The following SMURF1 variants were observed in gnomAD, a reference collection of about 807,000 sequenced individuals.
The protein encoded by SMURF1 is SMAD specific E3 ubiquitin protein ligase 1.
SMURF1 carries 44 observed loss-of-function variants against 98.0 expected under a neutral mutation model. The ratio of observed to expected loss-of-function variants is 0.45; its 90% CI spans 0.35 to 0.58. The LOEUF (loss-of-function observed/expected upper bound fraction) is 0.58, where lower values mean the gene tolerates loss of function less well. Among genes scored for constraint, SMURF1 ranks in the 20% least tolerant of loss-of-function variants. The pLI is 0.00. For synonymous variants in SMURF1, 396 were observed against 374.9 expected (o/e 1.06, Z -0.65); for missense variants, 687 against 938.4 (o/e 0.73, Z 3.50).
intron 1 of SMURF1, among the ~76,000 whole-genome samples, chr7:99,085,353 CAA>C (rs992976220): frequency 1.7e-4 from 9 of 52,304 alleles, no homozygotes; most frequent in Non-Finnish European, 2.7e-4. Flanking sequence ...AACTCCATCT[CAA>C]AAAAAAAAAA....
At chr7:99,066,120 T>G (rs1326340768) in intron 1 of SMURF1, among the ~76,000 whole-genome samples, 2 of 152,068 alleles carry the variant, frequency 1.3e-5, no homozygotes, top group Non-Finnish European at 2.9e-5. Flanking sequence ...CGTTACCTTC[T>G]TAGCATCTCC....
rs1384719636 is a variant in SMURF1 at position 99,143,213 on chromosome 7, T to A, written c.55+513A>T. Among the ~76,000 whole-genome samples, 10 of 30,610 alleles carry A rather than the reference T, an allele frequency of 3.3e-4. No individual in the cohort carries two copies. The East Asian group carries it at 0.011, about 33-fold the overall frequency. 20.1% of individuals were successfully genotyped at this position (30,610 alleles called of 152,430 possible). On this transcript the variant is annotated intron_variant, in intron 1 of 17. Transcript: ENST00000361368. ...CGGGGTCAGGTTTGGGGAGGAAAGG[T>A]GGGGAAGAGAAAGGACCACAGGGAT...
In SMURF1 at chr7:99,116,425, ATC is replaced by A. The variant is rs151166990; in HGVS notation, c.55+27299_55+27300del. Among the ~76,000 whole-genome samples the A allele has an allele frequency of 6.9e-3, 1,054 of 152,338 alleles. 11 individuals carry two copies. The highest frequency in any genetic ancestry group is 0.023 in the African/African-American group (973 of 41,578). ...GGATTGGAATGGAAGAAGTAAAACT[ATC>A]TCTATTGAAAAATGACATAATCTTA... On this transcript the variant is annotated intron_variant, in intron 1 of 17. Coordinates refer to ENST00000361368, the MANE Select transcript of SMURF1 (RefSeq NM_181349.3).
intron 1 of SMURF1, among the ~76,000 whole-genome samples, chr7:99,089,076 C>G (rs948983200): frequency 6.6e-6 from 1 of 151,840 alleles, no homozygotes; most frequent in Non-Finnish European, 1.5e-5. Flanking sequence ...TGGTGGCGTG[C>G]GCCTGTAATC....
intron 1 of SMURF1, among the ~76,000 whole-genome samples, chr7:99,118,898 T>C (rs1157281537): frequency 6.6e-6 from 1 of 151,896 alleles, no homozygotes; most frequent in Non-Finnish European, 1.5e-5. Context: ...GGTCTTGCCC[T>C]GTACCCAGGC....
At chr7:99,033,360 G>T (rs1318678292) in intron 16 of SMURF1, among the ~76,000 whole-genome samples, 1 of 152,202 alleles carries the variant, frequency 6.6e-6, no homozygotes, top group Non-Finnish European at 1.5e-5. Context: ...GCTCAGGCTG[G>T]AGTGCAGTGG....
At position 99,040,481 on chromosome 7, in the gene SMURF1, C is replaced by G. The variant is rs935171569; in HGVS notation, c.1447G>C (p.Gly483Arg). Residue 483 changes from glycine (G) to arginine (R), a missense_variant, in exon 13 of 18, where the codon GGC becomes CGC. Physicochemically the swap from Gly to Arg is moderately radical, Grantham distance 125 (BLOSUM62 -2). Transcript: ENST00000361368. ...AVFHGHYING[G>R]FTVPFYKQLL... ...TGCTTGTAGAAGGGCACTGTGAAGCCCCCGTTGATGTAGTGTCCATGGAAC... is the reference window on the plus strand; with the variant it reads ...TGCTTGTAGAAGGGCACTGTGAAGCGCCCGTTGATGTAGTGTCCATGGAAC... 25 of 1,589,190 alleles carry G rather than the reference C, an allele frequency of 1.6e-5. No individual in the cohort carries two copies. Among genetic ancestry groups the G allele is most frequent in the Non-Finnish European group, 2.1e-5 (24 of 1,167,792 alleles).
intron 5 of SMURF1, among the ~76,000 whole-genome samples, chr7:99,056,019 A>C (rs568777515): frequency 3.3e-5 from 5 of 152,270 alleles, no homozygotes; most frequent in African/African-American, 7.2e-5. Flanking sequence ...GCAAAGTCTA[A>C]GTGAATCTAA....
At chr7:99,116,409 T>C (rs1427980193) in intron 1 of SMURF1, among the ~76,000 whole-genome samples, 3 of 152,144 alleles carry the variant, frequency 2.0e-5, no homozygotes, top group Non-Finnish European at 4.4e-5. Context: ...TGGATTGGAA[T>C]GGAAGAAGTA....
intron 1 of SMURF1, among the ~76,000 whole-genome samples, chr7:99,114,257 TAAC>T (rs888430795): frequency 6.6e-6 from 1 of 152,120 alleles, no homozygotes; most frequent in Non-Finnish European, 1.5e-5. Flanking sequence ...AATATTTACT[TAAC>T]ATAAACAGGA....
chr7:99,035,810 C>T (rs1039472736), intron 15 of SMURF1, 94 bp from the exon 16 acceptor site: 6 of 1,254,802 alleles, frequency 4.8e-6, no homozygotes, highest in African/African-American at 3.0e-5. Context: ...AGTGAAAAGT[C>T]GATTCCCAAG....
chr7:99,035,167 G>A (rs1362015940), intron 16 of SMURF1, among the ~76,000 whole-genome samples: 1 of 152,200 alleles, frequency 6.6e-6, no homozygotes, highest in Middle Eastern at 3.2e-3. Flanking sequence ...GACTGGGGGC[G>A]GTTCCCCCAT....
At chr7:99,104,956 C>T (rs563880560) in intron 1 of SMURF1, among the ~76,000 whole-genome samples, 1 of 152,300 alleles carries the variant, frequency 6.6e-6, no homozygotes, top group South Asian at 2.1e-4. Flanking sequence ...TCTAGGCGCT[C>T]CTAGCAGCCT....
intron 1 of SMURF1, among the ~76,000 whole-genome samples, chr7:99,066,326 G>A (rs906374828): frequency 1.3e-5 from 2 of 152,164 alleles, no homozygotes; most frequent in African/African-American, 4.8e-5. Flanking sequence ...GTTTTTGGAG[G>A]TGCTGGTGCT....
chr7:99,088,482 C>CT (rs796742565), intron 1 of SMURF1, among the ~76,000 whole-genome samples: 6,078 of 146,578 alleles, frequency 0.041, 431 homozygotes, highest in African/African-American at 0.14. Context: ...TTACCTACTT[C>CT]TTTTTTTTTT....
At chr7:99,054,357 A>C (rs1252162255) in intron 6 of SMURF1, among the ~76,000 whole-genome samples, 2 of 152,064 alleles carry the variant, frequency 1.3e-5, no homozygotes, top group South Asian at 4.1e-4. Flanking sequence ...CCCAGGCTGG[A>C]GTGCAGTGGC....
intron 3 of SMURF1, 138 bp from the exon 4 acceptor site, chr7:99,057,689 C>G (rs1795918644): frequency 1.9e-6 from 2 of 1,038,194 alleles, no homozygotes; most frequent in Non-Finnish European, 2.6e-6. Context: ...ACTGCAACTC[C>G]CAAGTTCAAG....
chr7:99,128,558 A>T (rs1423653634), intron 1 of SMURF1, among the ~76,000 whole-genome samples: 2 of 152,236 alleles, frequency 1.3e-5, no homozygotes, highest in Non-Finnish European at 2.9e-5. Context: ...TTTTTACTCT[A>T]CAAGTTGGTC....
At chr7:99,075,676 TG>T (rs1796438425) in intron 1 of SMURF1, among the ~76,000 whole-genome samples, 1 of 151,988 alleles carries the variant, frequency 6.6e-6, no homozygotes, top group Non-Finnish European at 1.5e-5. Context: ...CAGTGTCATG[TG>T]TAACAACAGC....
Sources: allele counts gnomAD v4.1 joint callset (sites outside exome capture counted in the v4.1 genomes callset), GRCh38; gene constraint gnomAD v4.1.1; transcripts MANE v1.5; gene names NCBI Gene and HGNC (gene_info 2026-07-23, HGNC 2026-07-21).